Variants in CASZ1 observed in about 807,000 individuals in gnomAD.
CASZ1 encodes zinc finger protein castor homolog 1.
A neutral mutation model predicts 135.2 loss-of-function variants in CASZ1; 28 were observed. The observed-to-expected ratio is 0.21, with a 90% CI of 0.15 to 0.28. CASZ1 has a LOEUF of 0.28. Ranked by LOEUF, CASZ1 falls within the 10% of genes least tolerant of loss-of-function variation. CASZ1 has a pLI of 1.00. For missense variants in CASZ1, 2,161 were observed against 2,453.3 expected, an observed-to-expected ratio of 0.88 and a Z score of 2.52; for synonymous variants, 1,068 against 1,073.4, an observed-to-expected ratio of 0.99 and a Z score of 0.10.
intron 4 of CASZ1, among the ~76,000 whole-genome samples, chr1:10,681,073 G>T (rs1638401345): frequency 6.6e-6 from 1 of 152,090 alleles, no homozygotes; most frequent in Admixed American, 6.5e-5. Flanking sequence ...GCTACTTTTT[G>T]AATTTTTAGT....
At chr1:10,763,736 C>G (rs544027194) in intron 1 of CASZ1, among the ~76,000 whole-genome samples, 1 of 152,338 alleles carries the variant, frequency 6.6e-6, no homozygotes, top group South Asian at 2.1e-4. Context: ...GCATCTAGCA[C>G]AACAGCTGGG....
intron 17 of CASZ1, among the ~76,000 whole-genome samples, chr1:10,645,886 C>A (rs1043717406): frequency 3.3e-5 from 5 of 152,112 alleles, no homozygotes; most frequent in Non-Finnish European, 5.9e-5. Context: ...GGTGGCTGCC[C>A]AGCATTGAGT....
intron 18 of CASZ1, among the ~76,000 whole-genome samples, chr1:10,643,918 G>C (rs1642285812): frequency 6.6e-6 from 1 of 152,222 alleles, no homozygotes; most frequent in East Asian, 1.9e-4. Flanking sequence ...AGAATACCCT[G>C]ACATCTGTAA....
rs184471284 is a variant in CASZ1, at chr1:10,706,652, G to A, written c.-76-1108C>T. On this transcript the variant is annotated intron_variant, in intron 2 of 20. Transcript: ENST00000377022. This position sits in a 1 kb window ranked among gnomAD's most constrained non-coding sequence, Gnocchi z 4.3. ...AGATAATGCTAATTGTACTTGACAC[G>A]TCCTCTTAAGGAGGGCTCGGCTCTC... 1.4e-3 allele frequency among the ~76,000 whole-genome samples: 207 copies of A among 152,306 alleles called. 1 individual carries two copies. Among genetic ancestry groups the A allele is most frequent in the African/African-American group, 4.8e-3 (198 of 41,562 alleles).
intron 1 of CASZ1, among the ~76,000 whole-genome samples, chr1:10,768,319 AT>A (rs1392860831): frequency 6.6e-6 from 1 of 152,104 alleles, no homozygotes; most frequent in Non-Finnish European, 1.5e-5. Context: ...CTGGTTTCAA[AT>A]GATTCTCCTG....
chr1:10,668,907 A>T (rs1643318231), intron 4 of CASZ1, among the ~76,000 whole-genome samples: 1 of 152,208 alleles, frequency 6.6e-6, no homozygotes, highest in African/African-American at 2.4e-5. Context: ...AAGGCTGAGA[A>T]ACCTTACCTG....
rs369753421 is a variant in CASZ1, at chr1:10,644,936, G to A, written c.3849C>T (p.Arg1283=). ...CGGTACCTAGCCTGCCACACTCCTC[G>A]CGCTTGGTGAAGTATTTGAAGCCAT... is the stretch of plus-strand genomic sequence containing the variant. ...AANGFKYFTK[R]EECGRLGCKY... Residue 1283 remains arginine (R), a synonymous_variant, in exon 18 of 21, where the codon CGC becomes CGT. Coordinates refer to ENST00000377022, the MANE Select transcript of CASZ1 (RefSeq NM_001079843.3). 283 of 1,613,548 alleles carry A rather than the reference G, an allele frequency of 1.8e-4. 2 individuals carry two copies. The highest frequency in any genetic ancestry group is 1.6e-3 in the Middle Eastern group (10 of 6,082).
chr1:10,642,740 G>A, intron 20 of CASZ1, 119 bp downstream of exon 20: 5 of 1,161,706 alleles, frequency 4.3e-6, no homozygotes, highest in South Asian at 3.1e-5. Flanking sequence ...TCTGCTGCAC[G>A]CCAGCCTGTC....
At chr1:10,654,282 C>A in intron 10 of CASZ1, 64 bp from the exon 11 acceptor site, 1 of 1,590,014 alleles carries the variant, frequency 6.3e-7, no homozygotes, top group Non-Finnish European at 8.6e-7. Flanking sequence ...TACACCATGG[C>A]CCTGGGAGGG....
In CASZ1 at chr1:10,741,172, G is replaced by A. The variant is rs1026568087; in HGVS notation, c.-77+19529C>T. Reference sequence around the variant, plus strand: ...TAATTTTTGTATTTTTAGCAGAGACGGGGTTTCACCATGTTGGTCAGGCTG... The same window carrying A: ...TAATTTTTGTATTTTTAGCAGAGACAGGGTTTCACCATGTTGGTCAGGCTG... On this transcript the variant is annotated intron_variant, in intron 2 of 20. Coordinates refer to ENST00000377022, the MANE Select transcript of CASZ1 (RefSeq NM_001079843.3). The surrounding 1 kb of genome is among the most constrained non-coding windows in gnomAD (Gnocchi z 5.0). 6.6e-6 allele frequency among the ~76,000 whole-genome samples: 1 copy of A among 152,062 alleles called. No homozygotes were observed. The highest frequency in any genetic ancestry group is 2.4e-5 in the African/African-American group (1 of 41,398).
intron 2 of CASZ1, among the ~76,000 whole-genome samples, chr1:10,713,164 T>C (rs188228232): frequency 1.3e-5 from 2 of 152,206 alleles, no homozygotes; most frequent in Non-Finnish European, 2.9e-5. Flanking sequence ...CGTTCCATTA[T>C]CCTAACGAAT....
intron 1 of CASZ1, among the ~76,000 whole-genome samples, chr1:10,771,481 T>C (rs1448509893): frequency 6.6e-6 from 1 of 151,916 alleles, no homozygotes; most frequent in Non-Finnish European, 1.5e-5. Flanking sequence ...ACGCTGGGTG[T>C]TTCCAGAAAT....
At chr1:10,743,122 A>G (rs756522914) in intron 2 of CASZ1, among the ~76,000 whole-genome samples, 25 of 152,132 alleles carry the variant, frequency 1.6e-4, no homozygotes, top group African/African-American at 2.2e-4. Flanking sequence ...AGGAGTCCCT[A>G]TGGTCCCTGA....
In CASZ1 at chr1:10,649,114, G is replaced by A. The variant is rs1369241998; in HGVS notation, c.3114C>T (p.Cys1038=). The A allele has an allele frequency of 1.7e-5, 28 of 1,613,508 alleles. No homozygotes were observed. Among genetic ancestry groups the A allele is most frequent in the Middle Eastern group, 3.3e-4 (2 of 6,064 alleles). The change falls in exon 15 of 21, where the codon TGC becomes TGT. Residue 1038 remains cysteine (C), a synonymous_variant. Transcript: ENST00000377022. The part of the protein sequence containing the change: ...KAHFHCVVEE[C]GALFSTLDGA... ...CGTCCAAGGTGCTGAAGAGCGCGCC[G>A]CATTCCTCCACCACGCAGTGGAAGT...
intron 18 of CASZ1, 120 bp downstream of exon 18, chr1:10,644,797 A>G (rs1642313593): frequency 9.4e-7 from 1 of 1,064,186 alleles, no homozygotes; most frequent in South Asian, 1.5e-5. Context: ...CACCTTTAAC[A>G]AAACGTGGAG....
chr1:10,672,315 G>T (rs1643432433), intron 4 of CASZ1, among the ~76,000 whole-genome samples: 2 of 150,552 alleles, frequency 1.3e-5, no homozygotes, highest in African/African-American at 4.9e-5. Context: ...GGCCTCTCAG[G>T]AAGGTCATTA....
intron 2 of CASZ1, among the ~76,000 whole-genome samples, chr1:10,728,477 C>A (rs920692672): frequency 6.6e-6 from 1 of 152,222 alleles, no homozygotes; most frequent in African/African-American, 2.4e-5. Context: ...GTTAAATTTT[C>A]ATTTGTGTTC....
Position 10,796,611 on chromosome 1 carries a change from TGTG to T in CASZ1, c.-284_-282del, listed in dbSNP as rs1225878110. The T allele has an allele frequency of 6.6e-6, 1 of 152,172 alleles. No homozygotes were observed. The highest frequency in any genetic ancestry group is 1.5e-5 in the Non-Finnish European group (1 of 68,048). The allele number at this position is 152,172 out of a possible 1,614,324, so 9.4% of individuals were successfully genotyped here. A position where few individuals can be genotyped will look rare whatever the true frequency, so the allele number is the denominator to read the frequency against. ...TGACTTTCCAAGTCCGGGGGAAAAA[TGTG>T]TGTGTGTTTGGGATGGAGCGCCGCG... On this transcript the variant is annotated 5_prime_UTR_variant, in exon 1 of 21. Transcript: ENST00000377022.
chr1:10,683,763 G>A (rs1638500565), intron 4 of CASZ1, among the ~76,000 whole-genome samples: 1 of 152,176 alleles, frequency 6.6e-6, no homozygotes, highest in South Asian at 2.1e-4. Context: ...GGCACTCCGG[G>A]ATGCCTCTAG....
Sources: allele counts gnomAD v4.1 joint callset (sites outside exome capture counted in the v4.1 genomes callset), GRCh38; gene constraint gnomAD v4.1.1; non-coding constraint Gnocchi (gnomAD v3.1); transcripts MANE v1.5; gene names NCBI Gene and HGNC (gene_info 2026-07-23, HGNC 2026-07-21).